The following SFXN5 variants were observed in gnomAD, a reference collection of about 807,000 sequenced individuals.
SFXN5 encodes sideroflexin 5.
In SFXN5, 43 loss-of-function variants were observed where a neutral mutation model predicts 50.2. The ratio of observed to expected loss-of-function variants is 0.86; its 90% confidence interval spans 0.67 to 1.11. The LOEUF (loss-of-function observed/expected upper bound fraction) is 1.11. SFXN5 is among the 50% of genes least tolerant of loss of function. The pLI, the probability that SFXN5 is intolerant of heterozygous loss-of-function variation, is 0.00. For missense variants in SFXN5, 463 were observed against 454.1 expected (o/e 1.02, Z -0.18); for synonymous variants, 203 against 185.8 (o/e 1.09, Z -0.75).
At chr2:73,015,144 T>G (rs116725298) in intron 6 of SFXN5, among the ~76,000 whole-genome samples, 341 of 152,348 alleles carry the variant, frequency 2.2e-3, no homozygotes, top group Non-Finnish European at 4.1e-3. Context: ...CCTAATCTGT[T>G]GTTTTTATCA....
intron 9 of SFXN5, among the ~76,000 whole-genome samples, chr2:72,994,635 C>T (rs1574061908): frequency 6.6e-6 from 1 of 152,198 alleles, no homozygotes; most frequent in East Asian, 1.9e-4. Flanking sequence ...CCTCTCCAGC[C>T]CCACGTCCAC....
At position 72,973,739 on chromosome 2, in the gene SFXN5, A is replaced by AG. The variant is rs1434629043; in HGVS notation, c.626-2055dup. Among the ~76,000 whole-genome samples the AG allele has an allele frequency of 2.6e-5, 4 of 152,174 alleles. No individual in the cohort carries two copies. Among genetic ancestry groups the AG allele is most frequent in the African/African-American group, 9.7e-5 (4 of 41,448 alleles). On this transcript the variant is annotated intron_variant, in intron 10 of 13. Transcript: ENST00000272433. The surrounding 1 kb of genome is among the most constrained non-coding windows in gnomAD (Gnocchi z 5.5). ...GGCTCAGGGCCCAGAAGGGTCCCCC[A>AG]GGGTAGCCTTGGGAAGCAGCCACCT...
chr2:73,026,126 C>CTTTTTTTTTTTT (rs759334127), intron 3 of SFXN5, among the ~76,000 whole-genome samples: 14 of 133,750 alleles, frequency 1.0e-4, no homozygotes, highest in African/African-American at 2.8e-4. Flanking sequence ...TGTGTGGCTG[C>CTTTTTTTTTTTT]TTTTTTTTTT....
intron 12 of SFXN5, among the ~76,000 whole-genome samples, chr2:72,967,892 T>C (rs1049232226): frequency 6.6e-6 from 1 of 152,168 alleles, no homozygotes; most frequent in Non-Finnish European, 1.5e-5. Flanking sequence ...TGCTCCCTCA[T>C]TTCTTCACAG....
In SFXN5 at chr2:73,040,874, G is replaced by A; in HGVS notation, c.229C>T (p.Pro77Ser). Residue 77 changes from proline (P) to serine (S), a missense_variant, in exon 3 of 14, where the codon CCG becomes TCG. Pro to Ser is a moderately conservative substitution (Grantham distance 74, BLOSUM62 -1). Transcript: ENST00000272433. ...GTTACCTGTTCATTGGTGACCCCCG[G>A]GCGCAGGGTCCCATGCTTATAGTCC... The part of the protein sequence containing the change: ...LEDYKHGTLR[P>S]GVTNEQLWSA... 1 of 1,612,714 alleles carries A rather than the reference G, an allele frequency of 6.2e-7. No homozygotes were observed. The highest frequency in any genetic ancestry group is 8.5e-7 in the Non-Finnish European group (1 of 1,179,518).
At position 73,006,171 on chromosome 2, in the gene SFXN5, G is replaced by A. The variant is rs957426981; in HGVS notation, c.358-4593C>T. On this transcript the variant is annotated intron_variant, in intron 6 of 13. Transcript: ENST00000272433. ...GAGGTTGCCACGAGAAGACATCCCT[G>A]ACAAATCCCTGGTCCAAGGAGGAGG... 2.6e-5 allele frequency among the ~76,000 whole-genome samples: 4 copies of A among 152,192 alleles called. No homozygotes were observed. In the South Asian group the frequency reaches 6.2e-4, roughly 24 times the overall value.
intron 3 of SFXN5, among the ~76,000 whole-genome samples, chr2:73,035,015 C>T (rs1678793127): frequency 6.6e-6 from 1 of 152,204 alleles, no homozygotes; most frequent in Admixed American, 6.5e-5. Context: ...ATCCCTGCCC[C>T]ACCACATACT....
Position 72,968,626 on chromosome 2 carries a change from G to A in SFXN5, c.742-93C>T, listed in dbSNP as rs575682394. 8.9e-5 allele frequency: 105 copies of A among 1,175,790 alleles called. 1 individual carries two copies. The highest frequency in any genetic ancestry group is 4.9e-4 in the South Asian group (36 of 73,208). The allele number at this position is 1,175,790 out of a possible 1,614,324, so 72.8% of individuals were successfully genotyped here. The stretch of plus-strand genomic sequence containing the variant: ...AGCCCTAGGTGTGTGCCACCACAAC[G>A]CATGTGTGTCTGAATGGCCTTATTC... On this transcript the variant is annotated intron_variant, in intron 11 of 13. Transcript: ENST00000272433.
chr2:73,047,943 C>T (rs895806486), intron 2 of SFXN5, among the ~76,000 whole-genome samples: 2 of 151,950 alleles, frequency 1.3e-5, no homozygotes, highest in African/African-American at 4.8e-5. Flanking sequence ...AAGAAACCAC[C>T]CAAATGGTCA....
chr2:73,037,316 G>C (rs948413841), intron 3 of SFXN5, among the ~76,000 whole-genome samples: 1 of 152,176 alleles, frequency 6.6e-6, no homozygotes, highest in Non-Finnish European at 1.5e-5. Flanking sequence ...TGGTGGTGTA[G>C]ACAGGAACTT....
At chr2:72,990,568 G>A (rs1672475011) in intron 9 of SFXN5, among the ~76,000 whole-genome samples, 2 of 152,210 alleles carry the variant, frequency 1.3e-5, no homozygotes, top group African/African-American at 2.4e-5. Flanking sequence ...AGGCCACTCA[G>A]CACATATTCA....
chr2:72,996,930 C>G (rs1281554943), intron 9 of SFXN5: 1 of 152,210 alleles, frequency 6.6e-6, no homozygotes, highest in African/African-American at 2.4e-5. Flanking sequence ...CTCCTCTCAT[C>G]ACAAGGAACA....
chr2:72,949,812 C>T (rs72918370), intron 13 of SFXN5, among the ~76,000 whole-genome samples: 7,324 of 151,896 alleles, frequency 0.048, 434 homozygotes, highest in African/African-American at 0.14. Flanking sequence ...ACCAATTCCA[C>T]GTGGGGGTGA....
At chr2:73,017,705 C>T (rs115481410) in intron 6 of SFXN5, among the ~76,000 whole-genome samples, 2,085 of 152,170 alleles carry the variant, frequency 0.014, 25 homozygotes, top group Non-Finnish European at 0.02. Flanking sequence ...AAATGAACAT[C>T]GAGATGTTTG....
intron 2 of SFXN5, among the ~76,000 whole-genome samples, chr2:73,045,049 C>G (rs1037351809): frequency 6.6e-6 from 1 of 152,220 alleles, no homozygotes; most frequent in African/African-American, 2.4e-5. Context: ...CAAAACTCAT[C>G]TCTTCTTGGA....
chr2:72,946,035 C>T (rs965997345), intron 13 of SFXN5, among the ~76,000 whole-genome samples: 3 of 152,026 alleles, frequency 2.0e-5, no homozygotes, highest in East Asian at 1.9e-4. Context: ...CGCTGCCTTC[C>T]GTGTCCATGC....
At chr2:72,980,698 C>T (rs1437379459) in intron 10 of SFXN5, among the ~76,000 whole-genome samples, 3 of 152,132 alleles carry the variant, frequency 2.0e-5, no homozygotes, top group African/African-American at 7.2e-5. Context: ...TTTAAAAAGC[C>T]CCTTTTTATC....
At chr2:73,051,694 A>G (rs996476462) in intron 2 of SFXN5, among the ~76,000 whole-genome samples, 2 of 152,236 alleles carry the variant, frequency 1.3e-5, no homozygotes, top group Non-Finnish European at 2.9e-5. Context: ...CTGTGCTGCT[A>G]TAACAGAATA....
chr2:73,071,330 A>G, intron 1 of SFXN5: 1 of 442,252 alleles, frequency 2.3e-6, no homozygotes. Flanking sequence ...CCGGTGGCCA[A>G]TCACAGGGCG....
Sources: gnomAD v4.1 joint callset for allele counts (sites outside exome capture counted in the v4.1 genomes callset) on GRCh38, gnomAD v4.1.1 for gene constraint, Gnocchi (gnomAD v3.1) non-coding constraint, MANE v1.5 for transcripts, NCBI Gene and HGNC (gene_info 2026-07-23, HGNC 2026-07-21) for gene names.